Variants in KCNT2 observed in about 807,000 individuals in gnomAD.
KCNT2 encodes potassium channel subfamily T member 2.
Under a neutral mutation model 153.8 loss-of-function variants are expected in KCNT2, and 67 were observed. The ratio of observed to expected loss-of-function variants is 0.44; its 90% CI spans 0.36 to 0.53. The LOEUF is 0.53. Among genes scored for constraint, KCNT2 ranks in the 20% least tolerant of loss-of-function variants. KCNT2 has a pLI of 0.00. For synonymous variants in KCNT2, 500 were observed against 458.8 expected, an observed-to-expected ratio of 1.09 and a Z score of -1.15; for missense variants, 975 against 1,354.8, an observed-to-expected ratio of 0.72 and a Z score of 4.40.
At chr1:196,268,276 C>T (rs1349464310) in intron 25 of KCNT2, among the ~76,000 whole-genome samples, 3 of 152,156 alleles carry the variant, frequency 2.0e-5, no homozygotes, top group Admixed American at 2.0e-4. Context: ...AAATAATAAT[C>T]AAGGTCACAC....
chr1:196,307,601 A>T (rs1661755570), intron 21 of KCNT2, among the ~76,000 whole-genome samples: 1 of 152,094 alleles, frequency 6.6e-6, no homozygotes, highest in African/African-American at 2.4e-5. Context: ...TTTGTTAAAC[A>T]ATTTCTCAAT....
chr1:196,352,229 T>G (rs1302226390), intron 14 of KCNT2, among the ~76,000 whole-genome samples: 1 of 152,040 alleles, frequency 6.6e-6, no homozygotes, highest in Non-Finnish European at 1.5e-5. Flanking sequence ...TAAAATGAGT[T>G]AGGGAGGATT....
rs111485065 is a variant in KCNT2, at chr1:196,286,638, T to C, written c.2596-880A>G. Among the ~76,000 whole-genome samples the C allele has an allele frequency of 4.2e-3, 569 of 134,302 alleles. 2 individuals are homozygous for C. The highest frequency in any genetic ancestry group is 9.1e-3 in the African/African-American group (340 of 37,556). 88.1% of individuals were successfully genotyped at this position (134,302 alleles called of 152,430 possible). Reference sequence around the variant, plus strand: ...TATATCACACACACACACACACACATACACACACACACACACACACACACA... The same window carrying C: ...TATATCACACACACACACACACACACACACACACACACACACACACACACA... On this transcript the variant is annotated intron_variant, in intron 22 of 27. Coordinates refer to ENST00000294725, the MANE Select transcript of KCNT2 (RefSeq NM_198503.5).
chr1:196,422,985 T>A, intron 12 of KCNT2, 65 bp downstream of exon 12: 1 of 1,108,462 alleles, frequency 9.0e-7, no homozygotes, highest in Non-Finnish European at 1.3e-6. Flanking sequence ...TTTTAAAAAC[T>A]CAAATTAAAA....
chr1:196,362,049 CAG>C (rs1407759326), intron 14 of KCNT2, among the ~76,000 whole-genome samples: 9 of 152,066 alleles, frequency 5.9e-5, no homozygotes, highest in Admixed American at 5.9e-4. Context: ...TTCTCTGTCA[CAG>C]TTTTTGAGTG....
intron 8 of KCNT2, among the ~76,000 whole-genome samples, chr1:196,449,884 T>C (rs1482285156): frequency 6.6e-6 from 1 of 151,738 alleles, no homozygotes; most frequent in Non-Finnish European, 1.5e-5. Flanking sequence ...GATGTATGAA[T>C]TCAGCATAAG....
intron 1 of KCNT2, among the ~76,000 whole-genome samples, chr1:196,547,130 C>G (rs1657209199): frequency 6.6e-6 from 1 of 151,862 alleles, no homozygotes; most frequent in African/African-American, 2.4e-5. Flanking sequence ...TTAAAGAGTA[C>G]TCATCACACT....
At position 196,527,608 on chromosome 1, in the gene KCNT2, T is replaced by A. The variant is rs551926786; in HGVS notation, c.96-35267A>T. ...GAACAATATTAATAGGAAACCATTATTCTGCTTGTGAATCAGCATGTGCTC... is the reference window on the plus strand; with the variant it reads ...GAACAATATTAATAGGAAACCATTAATCTGCTTGTGAATCAGCATGTGCTC... On this transcript the variant is annotated intron_variant, in intron 1 of 27. Transcript: ENST00000294725. Among the ~76,000 whole-genome samples the A allele has an allele frequency of 3.3e-5, 5 of 152,290 alleles. No homozygotes were observed. The East Asian group carries it at 5.8e-4, about 18-fold the overall frequency.
chr1:196,465,216 GTTAT>G (rs1184075304), intron 8 of KCNT2, 73 bp downstream of exon 8: 50 of 768,606 alleles, frequency 6.5e-5, no homozygotes, highest in Non-Finnish European at 1.0e-4. Context: ...ATTAATGAAA[GTTAT>G]TTATAATATG....
intron 17 of KCNT2, among the ~76,000 whole-genome samples, chr1:196,333,182 T>TA (rs1664664631): frequency 6.6e-6 from 1 of 151,888 alleles, no homozygotes. Flanking sequence ...GCAATGTCCT[T>TA]AGTACTCCAC....
intron 26 of KCNT2, among the ~76,000 whole-genome samples, chr1:196,248,982 C>A (rs898061327): frequency 6.6e-6 from 1 of 152,056 alleles, no homozygotes; most frequent in African/African-American, 2.4e-5. Context: ...GGATTTATCC[C>A]AGGGATGCAG....
intron 12 of KCNT2, among the ~76,000 whole-genome samples, chr1:196,414,602 T>C (rs1353471331): frequency 1.3e-5 from 2 of 151,904 alleles, no homozygotes; most frequent in Non-Finnish European, 2.9e-5. Flanking sequence ...CTTAACTGTC[T>C]TGATAAAATG....
intron 8 of KCNT2, among the ~76,000 whole-genome samples, chr1:196,458,358 G>A (rs1056569719): frequency 3.3e-5 from 5 of 151,808 alleles, no homozygotes; most frequent in Admixed American, 2.6e-4. Context: ...CATGAAGAAT[G>A]TTGGATTTGA....
intron 8 of KCNT2, among the ~76,000 whole-genome samples, chr1:196,451,407 A>ACTTTTTTTT (rs1491122191): frequency 6.4e-5 from 4 of 62,892 alleles, no homozygotes; most frequent in Non-Finnish European, 1.1e-4. Flanking sequence ...CACCCAACAC[A>ACTTTTTTTT]TTTTTTTTTT....
At position 196,339,520 on chromosome 1, in the gene KCNT2, C is replaced by CAGAGAGAGAGAG. The variant is rs5779831; in HGVS notation, c.1783+809_1783+820dup. Among the ~76,000 whole-genome samples the CAGAGAGAGAGAG allele has an allele frequency of 4.8e-3, 668 of 137,984 alleles. 8 individuals carry two copies. Among genetic ancestry groups the CAGAGAGAGAGAG allele is most frequent in the African/African-American group, 0.018 (633 of 34,962 alleles). 90.5% of individuals were successfully genotyped at this position (137,984 alleles called of 152,430 possible). ...AGATATGAAGAGACACACACACACA[C>CAGAGAGAGAGAG]AGAGAGAGAGAGAGAGAGAGAGAGA... is the stretch of plus-strand genomic sequence containing the variant. On this transcript the variant is annotated intron_variant, in intron 16 of 27. Transcript: ENST00000294725.
chr1:196,342,293 A>G (rs1408025740), intron 14 of KCNT2, 65 bp from the exon 15 acceptor site: 7 of 1,440,610 alleles, frequency 4.9e-6, no homozygotes, highest in Admixed American at 1.9e-5. Context: ...TGGTTAAAAA[A>G]CAGTTGTTAT....
chr1:196,515,214 T>G (rs1681950949), intron 1 of KCNT2, among the ~76,000 whole-genome samples: 1 of 152,196 alleles, frequency 6.6e-6, no homozygotes, highest in Admixed American at 6.5e-5. Context: ...TGGGAATAAC[T>G]ACAGCATGGT....
At chr1:196,366,367 C>T (rs1380640713) in intron 14 of KCNT2, among the ~76,000 whole-genome samples, 2 of 151,940 alleles carry the variant, frequency 1.3e-5, no homozygotes, top group Admixed American at 1.3e-4. Context: ...CCATGTTGAT[C>T]ATGCCAGGCT....
intron 25 of KCNT2, among the ~76,000 whole-genome samples, chr1:196,265,672 T>C (rs1571846806): frequency 6.6e-6 from 1 of 152,202 alleles, no homozygotes; most frequent in African/African-American, 2.4e-5. Flanking sequence ...GCAGTTACCA[T>C]GTGGAATGCT....
Sources: gnomAD v4.1 joint callset for allele counts (sites outside exome capture counted in the v4.1 genomes callset) on GRCh38, gnomAD v4.1.1 for gene constraint, MANE v1.5 for transcripts, NCBI Gene and HGNC (gene_info 2026-07-23, HGNC 2026-07-21) for gene names.